The following SEMA6A variants were observed in gnomAD, a reference collection of about 807,000 sequenced individuals.
SEMA6A encodes the protein semaphorin-6A.
SEMA6A carries 25 observed loss-of-function variants against 96.8 expected under a neutral mutation model. The ratio of observed to expected loss-of-function variants is 0.26; its 90% CI spans 0.19 to 0.36. The LOEUF (loss-of-function observed/expected upper bound fraction) is 0.36. Among genes scored for constraint, SEMA6A ranks in the 10% least tolerant of loss-of-function variants. The probability of loss-of-function intolerance (pLI) is 1.00; values close to 1 mark genes in which losing one functional copy is unlikely to be tolerated. For synonymous variants in SEMA6A, 612 were observed against 518.0 expected (o/e 1.18, Z -2.46); for missense variants, 1,363 against 1,323.1 (o/e 1.03, Z -0.47).
chr5:116,532,934 G>A (rs909253252), intron 1 of SEMA6A, among the ~76,000 whole-genome samples: 1 of 152,184 alleles, frequency 6.6e-6, no homozygotes, highest in South Asian at 2.1e-4. Context: ...GATGACAGGT[G>A]TAAACAGTTT....
At chr5:116,553,508 G>A (rs188298571) in intron 1 of SEMA6A, among the ~76,000 whole-genome samples, 1 of 152,320 alleles carries the variant, frequency 6.6e-6, no homozygotes, top group East Asian at 1.9e-4. Flanking sequence ...CGCTGCCTGT[G>A]ACAGCAGCAA....
chr5:116,483,551 T>C (rs935044148), intron 10 of SEMA6A, among the ~76,000 whole-genome samples: 7 of 152,304 alleles, frequency 4.6e-5, no homozygotes, highest in Non-Finnish European at 1.0e-4. Flanking sequence ...TTTGCAAATG[T>C]TGAACAGATA....
chr5:116,486,809 T>C lies in SEMA6A; in HGVS notation c.902A>G (p.Asp301Gly), dbSNP rs748863687. 2.5e-6 allele frequency: 4 copies of C among 1,613,724 alleles called. No homozygotes were observed. The highest frequency in any genetic ancestry group is 1.3e-5 in the African/African-American group (1 of 74,900). Residue 301 changes from aspartate (D) to glycine (G), a missense_variant, in exon 10 of 19, where the codon GAT becomes GGT. Coordinates refer to ENST00000343348, the MANE Select transcript of SEMA6A (RefSeq NM_020796.5). ...FYFNILQAVT[D>G]VIRINGRDVV... ...ATCACGCCCGTTGATACGAATCACA[T>C]CTGTAACTGCCTGGAGAATGTTGAA...
At chr5:116,450,251 T>TG in intron 18 of SEMA6A, among the ~76,000 whole-genome samples, 1 of 151,796 alleles carries the variant, frequency 6.6e-6, no homozygotes, top group Non-Finnish European at 1.5e-5. Context: ...AGTAATGGGG[T>TG]GGGGGTGTAT....
At chr5:116,536,557 T>C (rs1236049378) in intron 1 of SEMA6A, 1 of 152,118 alleles carries the variant, frequency 6.6e-6, no homozygotes. Context: ...AGTGCCAGCA[T>C]GTTGGGAATG....
At chr5:116,470,636 G>A (rs534571258) in intron 17 of SEMA6A, among the ~76,000 whole-genome samples, 1 of 151,980 alleles carries the variant, frequency 6.6e-6, no homozygotes, top group Non-Finnish European at 1.5e-5. Flanking sequence ...AAATAATCAG[G>A]GCCCAATTCA....
At chr5:116,557,364 A>C (rs1213634127) in intron 1 of SEMA6A, among the ~76,000 whole-genome samples, 1 of 152,216 alleles carries the variant, frequency 6.6e-6, no homozygotes, top group Non-Finnish European at 1.5e-5. Flanking sequence ...GGCATGAGAC[A>C]CCACTCCTGG....
In SEMA6A at chr5:116,447,165, G is replaced by A. The variant is rs186964282; in HGVS notation, c.2541C>T (p.Ala847=). The part of the protein sequence containing the change: ...EVAQMALEDQ[A]ATLEYKTIKE... ...TGATGGTCTTATACTCCAGTGTGGC[G>A]GCCTGGTCCTCCAGCGCCATCTGGG... Residue 847 remains alanine (A), a synonymous_variant, in exon 19 of 19, where the codon GCC becomes GCT. Coordinates refer to ENST00000343348, the MANE Select transcript of SEMA6A (RefSeq NM_020796.5). 62 of 1,614,020 alleles carry A rather than the reference G, an allele frequency of 3.8e-5. No individual in the cohort carries two copies. The highest frequency in any genetic ancestry group is 2.1e-4 in the African/African-American group (16 of 75,054).
chr5:116,513,925 C>T (rs1012907514), intron 1 of SEMA6A, among the ~76,000 whole-genome samples: 1 of 152,166 alleles, frequency 6.6e-6, no homozygotes, highest in Admixed American at 6.5e-5. Flanking sequence ...ATAATGGCCT[C>T]CAGCTCCATC....
At chr5:116,471,657 G>A (rs756924394) in intron 17 of SEMA6A, 1 of 152,118 alleles carries the variant, frequency 6.6e-6, no homozygotes, top group Non-Finnish European at 1.5e-5. Context: ...AATTCTGTGG[G>A]CTTATCTACT....
At chr5:116,474,307 C>CAA (rs1554083490) in intron 16 of SEMA6A, among the ~76,000 whole-genome samples, 4 of 148,790 alleles carry the variant, frequency 2.7e-5, no homozygotes, top group African/African-American at 9.8e-5. Context: ...CACACACACA[C>CAA]ACATCTTAAA....
At chr5:116,524,144 G>C (rs1411930257) in intron 1 of SEMA6A, among the ~76,000 whole-genome samples, 1 of 152,126 alleles carries the variant, frequency 6.6e-6, no homozygotes, top group Non-Finnish European at 1.5e-5. Flanking sequence ...ACAGACAATA[G>C]GTATGTTTTC....
intron 1 of SEMA6A, among the ~76,000 whole-genome samples, chr5:116,509,712 G>A (rs1334564425): frequency 6.6e-6 from 1 of 152,036 alleles, no homozygotes; most frequent in African/African-American, 2.4e-5. Flanking sequence ...CTGGAGAGAT[G>A]AGGTAGGGGC....
At position 116,444,962 on chromosome 5, in the gene SEMA6A, A is replaced by G. The variant is rs1258245045; in HGVS notation, c.*1651T>C. On this transcript the variant is annotated 3_prime_UTR_variant, in exon 19 of 19. Transcript: ENST00000343348. ...CAAATAAGGATATCACCGTATTGAA[A>G]TAATCTAAGGGAAGCAGGGAGCTCT... 2 of 152,706 alleles carry G rather than the reference A, an allele frequency of 1.3e-5. No homozygotes were observed. The highest frequency in any genetic ancestry group is 2.9e-5 in the Non-Finnish European group (2 of 68,062). The allele number at this position is 152,706 out of a possible 1,614,324, so 9.5% of individuals were successfully genotyped here. A position where few individuals can be genotyped will look rare whatever the true frequency, so the allele number is the denominator to read the frequency against.
chr5:116,483,606 A>T (rs556094473), intron 10 of SEMA6A, among the ~76,000 whole-genome samples: 13 of 152,236 alleles, frequency 8.5e-5, no homozygotes, highest in Non-Finnish European at 1.9e-4. Flanking sequence ...TTCCATCTTT[A>T]ATTTCATAAG....
intron 17 of SEMA6A, 137 bp downstream of exon 17, chr5:116,472,936 C>A: frequency 6.6e-7 from 1 of 1,523,832 alleles, no homozygotes; most frequent in African/African-American, 1.4e-5. Flanking sequence ...GTTGAAATGT[C>A]TATAAAAAAA....
At chr5:116,522,833 G>T (rs1054503664) in intron 1 of SEMA6A, among the ~76,000 whole-genome samples, 9 of 152,080 alleles carry the variant, frequency 5.9e-5, no homozygotes, top group Non-Finnish European at 1.5e-5. Context: ...TATGGCAAAG[G>T]AAGCCCAAAT....
Position 116,502,244 on chromosome 5 carries a change from T to C in SEMA6A, c.184A>G (p.Met62Val). The C allele has an allele frequency of 6.2e-7, 1 of 1,613,954 alleles. No homozygotes were observed. The highest frequency in any genetic ancestry group is 8.5e-7 in the Non-Finnish European group (1 of 1,179,860). ...ATGTAGAGGGTTCCGTTCATGATCATAATCATCTGGATGTCCAGCCTGTGC... is the reference window on the plus strand; with the variant it reads ...ATGTAGAGGGTTCCGTTCATGATCACAATCATCTGGATGTCCAGCCTGTGC... ...QRHRLDIQMI[M>V]IMNGTLYIAA... The change falls in exon 3 of 19, where the codon ATG (methionine) becomes GTG (valine). Residue 62 changes from methionine (M) to valine (V), a missense_variant. Around this residue, in one of 2 missense-constraint regions of SEMA6A, gnomAD observed 480 missense variants for 559.5 expected, o/e 0.86. Transcript: ENST00000343348.
chr5:116,522,571 T>A (rs1213677960), intron 1 of SEMA6A, among the ~76,000 whole-genome samples: 2 of 152,222 alleles, frequency 1.3e-5, no homozygotes, highest in Admixed American at 6.5e-5. Context: ...TATGAATGGC[T>A]AATTTATTAG....
Sources: allele counts gnomAD v4.1 joint callset (sites outside exome capture counted in the v4.1 genomes callset), GRCh38; gene constraint gnomAD v4.1.1; regional missense constraint gnomAD v4.1.1; transcripts MANE v1.5; gene names NCBI Gene and HGNC (gene_info 2026-07-23, HGNC 2026-07-21).